ADGRB2: variants seen among roughly 807,000 people sequenced by gnomAD.
ADGRB2 encodes the protein adhesion G protein-coupled receptor B2.
A neutral mutation model predicts 178.7 loss-of-function variants in ADGRB2; 47 were observed. That is an observed-to-expected ratio of 0.26 (90% CI 0.21 to 0.34). ADGRB2 has a LOEUF of 0.34. Ranked by LOEUF, ADGRB2 falls within the 10% of genes least tolerant of loss-of-function variation. ADGRB2 has a pLI of 1.00. For missense variants in ADGRB2, 1,584 were observed against 2,180.8 expected, an observed-to-expected ratio of 0.73 and a Z score of 5.45; for synonymous variants, 870 against 912.4, an observed-to-expected ratio of 0.95 and a Z score of 0.84.
In ADGRB2 at chr1:31,742,058, C is replaced by A; in HGVS notation, c.1412G>T (p.Cys471Phe). 6.2e-7 allele frequency: 1 copy of A among 1,607,688 alleles called. No individual in the cohort carries two copies. The highest frequency in any genetic ancestry group is 1.1e-5 in the South Asian group (1 of 89,930). Residue 471 changes from cysteine (C) to phenylalanine (F), a missense_variant, in exon 8 of 33, where the codon TGC becomes TTC. By Grantham distance (205) the Cys-to-Phe change is radical. Around this residue, in one of 3 missense-constraint regions of ADGRB2, gnomAD observed 657 missense variants for 847.6 expected, o/e 0.78. Transcript: ENST00000373658. ...TDTRECSNLE[C>F]PATDSKWGPW... ...CCACTGTGCCAAGCACTCACCCGGGCACTCGAGGTTGCTGCACTCCCGGGT... is the reference window on the plus strand; with the variant it reads ...CCACTGTGCCAAGCACTCACCCGGGAACTCGAGGTTGCTGCACTCCCGGGT...
chr1:31,741,762 C>T lies in ADGRB2; in HGVS notation c.1586-37G>A. On this transcript the variant is annotated intron_variant, in intron 9 of 32. Transcript: ENST00000373658. The surrounding 1 kb of genome is among the most constrained non-coding windows in gnomAD (Gnocchi z 6.5). ...GGGGTAAGGTTCAGCTGGGTCCACACATGGGGCCCCCAGCCCCCAGGGTCA... is the reference window on the plus strand; with the variant it reads ...GGGGTAAGGTTCAGCTGGGTCCACATATGGGGCCCCCAGCCCCCAGGGTCA... 6.2e-7 allele frequency: 1 copy of T among 1,600,646 alleles called. No homozygotes were observed. The highest frequency in any genetic ancestry group is 1.7e-4 in the Middle Eastern group (1 of 6,004).
At chr1:31,743,101 G>T in intron 6 of ADGRB2, 99 bp from the exon 7 acceptor site, 1 of 1,282,966 alleles carries the variant, frequency 7.8e-7, no homozygotes, top group Non-Finnish European at 1.0e-6. Flanking sequence ...CCGCAGCTCT[G>T]CGGCTGCTCC....
chr1:31,760,101 A>G (rs992436267), intron 1 of ADGRB2, among the ~76,000 whole-genome samples: 1 of 152,196 alleles, frequency 6.6e-6, no homozygotes, highest in Admixed American at 6.5e-5. Context: ...GGGTTGAACC[A>G]TAAGTGGCTG....
Position 31,733,094 on chromosome 1 carries a change from A to C in ADGRB2, c.3502T>G (p.Trp1168Gly). 1 of 1,586,746 alleles carries C rather than the reference A, an allele frequency of 6.3e-7. No individual in the cohort carries two copies. Among genetic ancestry groups the C allele is most frequent in the Non-Finnish European group, 8.6e-7 (1 of 1,166,428 alleles). The change falls in exon 26 of 33, where the codon TGG (tryptophan) becomes GGG (glycine). Residue 1168 changes from tryptophan to glycine, a missense_variant. Transcript: ENST00000373658. The surrounding 1 kb of genome is among the most constrained non-coding windows in gnomAD (Gnocchi z 4.3). ...CVVLPLLALT[W>G]MSAVLAMTDR... ...GTCATAGCCAGGACGGCAGACATCC[A>C]GGTGAGCGCCAGCAGGGGCAGCACC... is the stretch of plus-strand genomic sequence containing the variant.
chr1:31,735,131 C>G lies in ADGRB2; in HGVS notation c.3452+52G>C, dbSNP rs1645509104. The G allele has an allele frequency of 8.4e-7, 1 of 1,192,986 alleles. No homozygotes were observed. Among genetic ancestry groups the G allele is most frequent in the African/African-American group, 1.6e-5 (1 of 64,292 alleles). 73.9% of individuals were successfully genotyped at this position (1,192,986 alleles called of 1,614,324 possible). ...CCCCCCACCATGGGCACTGCCCCCC[C>G]CAATTCCTTTGCCCCACCCACCCCC... On this transcript the variant is annotated intron_variant, in intron 25 of 32. Coordinates refer to ENST00000373658, the MANE Select transcript of ADGRB2 (RefSeq NM_001364857.2). The surrounding 1 kb of genome is among the most constrained non-coding windows in gnomAD (Gnocchi z 6.0).
At chr1:31,748,646 A>G (rs1646400387) in intron 4 of ADGRB2, among the ~76,000 whole-genome samples, 1 of 152,206 alleles carries the variant, frequency 6.6e-6, no homozygotes, top group Non-Finnish European at 1.5e-5. Flanking sequence ...CCACCCAGTG[A>G]GCTCAGCGGC....
chr1:31,728,020 C>T lies in ADGRB2; in HGVS notation c.4572+5G>A, dbSNP rs780162711. On this transcript the variant is annotated splice_donor_5th_base_variant and intron_variant, in intron 32 of 32. Transcript: ENST00000373658. This position sits in a 1 kb window ranked among gnomAD's most constrained non-coding sequence, Gnocchi z 6.7. Reference sequence around the variant, plus strand: ...CCTCACCCCACCCAGCCCGGGGGGACTCACGGTGCACACGCTCCGCTCGGC... The same window carrying T: ...CCTCACCCCACCCAGCCCGGGGGGATTCACGGTGCACACGCTCCGCTCGGC... 27 of 1,559,894 alleles carry T rather than the reference C, an allele frequency of 1.7e-5. No individual in the cohort carries two copies. The highest frequency in any genetic ancestry group is 2.6e-6 in the Non-Finnish European group (3 of 1,157,336).
At position 31,741,983 on chromosome 1, in the gene ADGRB2, G is replaced by A. The variant is rs759417808; in HGVS notation, c.1418-16C>T. Reference sequence around the variant, plus strand: ...CTATCAGTGGCTGTGGGAGAGGTGAGGCATATGAGTGGGCCCAGGTACCCC... The same window carrying A: ...CTATCAGTGGCTGTGGGAGAGGTGAAGCATATGAGTGGGCCCAGGTACCCC... On this transcript the variant is annotated splice_polypyrimidine_tract_variant and intron_variant, in intron 8 of 32. Coordinates refer to ENST00000373658, the MANE Select transcript of ADGRB2 (RefSeq NM_001364857.2). This position sits in a 1 kb window ranked among gnomAD's most constrained non-coding sequence, Gnocchi z 6.5. 5.7e-6 allele frequency: 9 copies of A among 1,584,636 alleles called. No homozygotes were observed. The East Asian group carries it at 1.1e-4, about 20-fold the overall frequency.
chr1:31,752,518 G>A (rs1002556205), intron 4 of ADGRB2, among the ~76,000 whole-genome samples: 3 of 152,200 alleles, frequency 2.0e-5, no homozygotes, highest in Admixed American at 6.5e-5. Context: ...GGAGGGAAAC[G>A]CCAATCTTAG....
chr1:31,736,924 C>T (rs1231384396), intron 20 of ADGRB2, among the ~76,000 whole-genome samples: 3 of 152,172 alleles, frequency 2.0e-5, no homozygotes, highest in Non-Finnish European at 4.4e-5. Context: ...CAGCACTCGG[C>T]ATCCAGGGAG....
chr1:31,732,668 G>A lies in ADGRB2; in HGVS notation c.3625-56C>T, dbSNP rs544040651. ...GGCCACTGCAGGGCCCCCGACCACA[G>A]ATGGCTGTGCTTCCCACCCCAGATG... On this transcript the variant is annotated intron_variant, in intron 26 of 32. Coordinates refer to ENST00000373658, the MANE Select transcript of ADGRB2 (RefSeq NM_001364857.2). 41 of 1,575,016 alleles carry A rather than the reference G, an allele frequency of 2.6e-5. No homozygotes were observed. The African/African-American group carries it at 5.0e-4, about 19-fold the overall frequency.
Position 31,756,427 on chromosome 1 carries a change from G to A in ADGRB2, c.410C>T (p.Ala137Val), listed in dbSNP as rs373774455. Reference sequence around the variant, plus strand: ...TGAGCCGCTGCACAGCTCCAACCCCGCTGCCGCCTCTGCCTCCTCCTCTTC... The same window carrying A: ...TGAGCCGCTGCACAGCTCCAACCCCACTGCCGCCTCTGCCTCCTCCTCTTC... Reference protein sequence around the residue: ...RPEEEEAEAAAGLELCSGSGP... With the variant: ...RPEEEEAEAAVGLELCSGSGP... Residue 137 changes from alanine (A) to valine (V), a missense_variant, in exon 4 of 33, where the codon GCG becomes GTG. Physicochemically the swap from Ala to Val is moderately conservative, Grantham distance 64. This residue lies in a region of ADGRB2 where 657 missense variants were observed against 847.6 expected (regional missense o/e 0.78). Coordinates refer to ENST00000373658, the MANE Select transcript of ADGRB2 (RefSeq NM_001364857.2). The surrounding 1 kb of genome is among the most constrained non-coding windows in gnomAD (Gnocchi z 8.5). The A allele has an allele frequency of 6.8e-6, 11 of 1,611,946 alleles. No homozygotes were observed. Among genetic ancestry groups the A allele is most frequent in the African/African-American group, 2.7e-5 (2 of 74,924 alleles).
intron 18 of ADGRB2, 96 bp downstream of exon 18, chr1:31,738,104 A>T: frequency 3.3e-6 from 5 of 1,521,960 alleles, no homozygotes; most frequent in Non-Finnish European, 4.4e-6. Context: ...ATGCACATTC[A>T]GGATCACCCA....
rs762208271 is a variant in ADGRB2, at chr1:31,737,675, G to A, written c.2853C>T (p.Leu951=). 1.4e-5 allele frequency: 22 copies of A among 1,613,738 alleles called. No individual in the cohort carries two copies. Among genetic ancestry groups the A allele is most frequent in the Non-Finnish European group, 1.7e-5 (20 of 1,179,926 alleles). ...AVSCMALLTL[L]AIYAAFWRFI... is the part of the protein sequence containing the mutation. Reference sequence around the variant, plus strand: ...ACCTCCAAAAGGCGGCATAGATGGCGAGCAGGGTGAGCAGCGCCATGCACG... The same window carrying A: ...ACCTCCAAAAGGCGGCATAGATGGCAAGCAGGGTGAGCAGCGCCATGCACG... The change falls in exon 19 of 33, where the codon CTC becomes CTT. Residue 951 remains leucine (L), a synonymous_variant. Coordinates refer to ENST00000373658, the MANE Select transcript of ADGRB2 (RefSeq NM_001364857.2).
At position 31,731,388 on chromosome 1, in the gene ADGRB2, C is replaced by T. The variant is rs771249644; in HGVS notation, c.3792G>A (p.Pro1264=). 2.4e-5 allele frequency: 38 copies of T among 1,608,436 alleles called. No individual in the cohort carries two copies. The highest frequency in any genetic ancestry group is 2.6e-5 in the Non-Finnish European group (31 of 1,177,648). ...VLFKEVNTCN[P]STITGTLSRL... Reference sequence around the variant, plus strand: ...GGGATAGTGTGCCCGTGATGGTGGACGGGTTGCAAGTGTTGACCTCCTTGA... The same window carrying T: ...GGGATAGTGTGCCCGTGATGGTGGATGGGTTGCAAGTGTTGACCTCCTTGA... Residue 1264 remains proline, a synonymous_variant, in exon 29 of 33, where the codon CCG becomes CCA. Transcript: ENST00000373658.
chr1:31,756,189 G>A lies in ADGRB2; in HGVS notation c.648C>T (p.Cys216=), dbSNP rs371632866. 34 of 1,612,722 alleles carry A rather than the reference G, an allele frequency of 2.1e-5. No homozygotes were observed. Among genetic ancestry groups the A allele is most frequent in the African/African-American group, 5.3e-5 (4 of 74,920 alleles). ...AGCTGCAGCCTGGCTGAGCAAAGCC[G>A]CAGGCCCTGCCGGCAGCGCGGCCAC... ...EECGRAAGRA[C]GFAQPGCSCP... Residue 216 remains cysteine, a synonymous_variant, in exon 4 of 33, where the codon TGC becomes TGT. Transcript: ENST00000373658. The surrounding 1 kb of genome is among the most constrained non-coding windows in gnomAD (Gnocchi z 8.5).
At position 31,749,203 on chromosome 1, in the gene ADGRB2, G is replaced by A. The variant is rs533889879; in HGVS notation, c.839-4472C>T. Reference sequence around the variant, plus strand: ...CCTGACATGAGCCTGATTCTCCTCTGTGTAACCTCCAAAGTGAGCCTCGGG... The same window carrying A: ...CCTGACATGAGCCTGATTCTCCTCTATGTAACCTCCAAAGTGAGCCTCGGG... On this transcript the variant is annotated intron_variant, in intron 4 of 32. Coordinates refer to ENST00000373658, the MANE Select transcript of ADGRB2 (RefSeq NM_001364857.2). 2.6e-5 allele frequency among the ~76,000 whole-genome samples: 4 copies of A among 152,234 alleles called. No individual in the cohort carries two copies. In the South Asian group the frequency reaches 8.3e-4, roughly 32 times the overall value.
Position 31,740,340 on chromosome 1 carries a change from G to A in ADGRB2, c.1989+7C>T, listed in dbSNP as rs769653675. On this transcript the variant is annotated splice_region_variant and intron_variant, in intron 12 of 32. Transcript: ENST00000373658. The surrounding 1 kb of genome is among the most constrained non-coding windows in gnomAD (Gnocchi z 5.9). ...CACCCTCCGCCCTCCTTCCTCCTAG[G>A]CAGTACCTGCACATCATCAGCCGAG... 25 of 1,609,960 alleles carry A rather than the reference G, an allele frequency of 1.6e-5. No homozygotes were observed. The Admixed American group carries it at 3.0e-4, about 19-fold the overall frequency.
chr1:31,736,604 G>C lies in ADGRB2; in HGVS notation c.3099C>G (p.Leu1033=), dbSNP rs369387862. Residue 1033 remains leucine, a synonymous_variant, in exon 21 of 33, where the codon CTC becomes CTG. Coordinates refer to ENST00000373658, the MANE Select transcript of ADGRB2 (RefSeq NM_001364857.2). The stretch of plus-strand genomic sequence containing the variant: ...CCAGGCAGAGGAAGCGCTTGCGAAC[G>C]AGGCGGGTGCGCATCCGCCCAATGA... ...LAVIGRMRTR[L]VRKRFLCLGW... 1.2e-6 allele frequency: 2 copies of C among 1,614,130 alleles called. No individual in the cohort carries two copies. The highest frequency in any genetic ancestry group is 1.7e-6 in the Non-Finnish European group (2 of 1,179,986).
Sources: gnomAD v4.1 joint callset for allele counts (sites outside exome capture counted in the v4.1 genomes callset) on GRCh38, gnomAD v4.1.1 for gene constraint, gnomAD v4.1.1 regional missense constraint, Gnocchi (gnomAD v3.1) non-coding constraint, MANE v1.5 for transcripts, NCBI Gene and HGNC (gene_info 2026-07-23, HGNC 2026-07-21) for gene names.